PTPRD: variants seen among roughly 807,000 people sequenced by gnomAD.
PTPRD encodes the protein protein tyrosine phosphatase receptor type D, also known as receptor-type tyrosine-protein phosphatase delta.
Under a neutral mutation model 214.5 loss-of-function variants are expected in PTPRD, and 34 were observed. That is an observed-to-expected ratio of 0.16 (90% CI 0.12 to 0.21). The LOEUF is 0.21. Ranked by LOEUF, PTPRD falls within the 10% of genes least tolerant of loss-of-function variation. The pLI is 1.00. For synonymous variants in PTPRD, 1,128 were observed against 845.7 expected, an observed-to-expected ratio of 1.33 and a Z score of -5.79; for missense variants, 2,545 against 2,398.7, an observed-to-expected ratio of 1.06 and a Z score of -1.27.
At chr9:8,328,877 C>T (rs1836748630) in intron 44 of PTPRD, among the ~76,000 whole-genome samples, 1 of 152,068 alleles carries the variant, frequency 6.6e-6, no homozygotes, top group Non-Finnish European at 1.5e-5. Flanking sequence ...TCAGCTCCAT[C>T]AGGTCATTTA....
intron 14 of PTPRD, among the ~76,000 whole-genome samples, chr9:8,535,856 A>C (rs907560116): frequency 3.3e-5 from 5 of 151,928 alleles, no homozygotes; most frequent in African/African-American, 9.7e-5. Flanking sequence ...AGCTCTGGAG[A>C]GGGGAAATCT....
intron 7 of PTPRD, among the ~76,000 whole-genome samples, chr9:9,706,690 T>C (rs1048797550): frequency 8.5e-5 from 13 of 152,092 alleles, no homozygotes; most frequent in African/African-American, 2.4e-5. Flanking sequence ...TCCGTCTGCC[T>C]CAGCCTCCCA....
chr9:8,444,099 C>T (rs919445706), intron 34 of PTPRD, among the ~76,000 whole-genome samples: 1 of 152,052 alleles, frequency 6.6e-6, no homozygotes, highest in Non-Finnish European at 1.5e-5. Context: ...TATCATATTT[C>T]CAGGTGTCTG....
chr9:9,697,686 T>C (rs2097406519), intron 7 of PTPRD, among the ~76,000 whole-genome samples: 1 of 152,164 alleles, frequency 6.6e-6, no homozygotes, highest in Non-Finnish European at 1.5e-5. Context: ...GAAATCTGTT[T>C]GGTAATCTCT....
chr9:10,481,469 A>T (rs1213689150), intron 2 of PTPRD, among the ~76,000 whole-genome samples: 1 of 152,200 alleles, frequency 6.6e-6, no homozygotes, highest in Non-Finnish European at 1.5e-5. Flanking sequence ...CCCAAAAGAC[A>T]TAACTGAGTA....
intron 5 of PTPRD, among the ~76,000 whole-genome samples, chr9:9,776,329 T>C (rs1240345575): frequency 6.6e-6 from 1 of 152,210 alleles, no homozygotes; most frequent in East Asian, 1.9e-4. Context: ...CTAGTCTTAG[T>C]TGTATGTTCC....
chr9:9,424,730 A>G (rs2080157017), intron 8 of PTPRD, among the ~76,000 whole-genome samples: 1 of 152,200 alleles, frequency 6.6e-6, no homozygotes, highest in Non-Finnish European at 1.5e-5. Context: ...ATCTACTGAC[A>G]ACTGTTAGAA....
At chr9:8,415,842 C>A (rs2093894350) in intron 35 of PTPRD, among the ~76,000 whole-genome samples, 1 of 152,042 alleles carries the variant, frequency 6.6e-6, no homozygotes, top group African/African-American at 2.4e-5. Flanking sequence ...CAAGACCACA[C>A]AACTAATGCA....
At chr9:8,922,723 C>T (rs71507666) in intron 11 of PTPRD, among the ~76,000 whole-genome samples, 13,397 of 152,016 alleles carry the variant, frequency 0.088, 776 homozygotes, top group Non-Finnish European at 0.14. Context: ...CTCAGCTCAC[C>T]GCAACATCCG....
At chr9:10,436,508 T>C (rs1319138137) in intron 2 of PTPRD, among the ~76,000 whole-genome samples, 3 of 151,734 alleles carry the variant, frequency 2.0e-5, no homozygotes, top group African/African-American at 7.3e-5. Context: ...AATGAATTAG[T>C]CTCCAACACA....
intron 2 of PTPRD, among the ~76,000 whole-genome samples, chr9:10,397,131 GA>G (rs990925089): frequency 1.1e-4 from 16 of 151,974 alleles, no homozygotes; most frequent in African/African-American, 3.9e-4. Context: ...TATCTCTCTC[GA>G]AAAGGCAACA....
intron 5 of PTPRD, among the ~76,000 whole-genome samples, chr9:9,834,894 T>A (rs1288930866): frequency 6.6e-6 from 1 of 152,006 alleles, no homozygotes; most frequent in East Asian, 1.9e-4. Flanking sequence ...AACTGTGTCC[T>A]CTGGTCAAAG....
intron 7 of PTPRD, among the ~76,000 whole-genome samples, chr9:9,694,108 T>C (rs1010688231): frequency 2.0e-5 from 3 of 152,202 alleles, no homozygotes; most frequent in Admixed American, 6.6e-5. Flanking sequence ...TGGTGCCTTA[T>C]TCAGTTCATC....
intron 4 of PTPRD, among the ~76,000 whole-genome samples, chr9:9,939,545 A>G (rs1566542844): frequency 6.6e-6 from 1 of 152,186 alleles, no homozygotes; most frequent in South Asian, 2.1e-4. Flanking sequence ...AGGATTGACC[A>G]GGTCAATAAA....
chr9:10,595,315 A>G (rs1003235311), intron 2 of PTPRD, among the ~76,000 whole-genome samples: 2 of 151,912 alleles, frequency 1.3e-5, no homozygotes, highest in Admixed American at 1.3e-4. Flanking sequence ...TGAACTATAA[A>G]AGATAATGAG....
At chr9:10,454,108 G>GA (rs150951740) in intron 2 of PTPRD, among the ~76,000 whole-genome samples, 15,589 of 151,334 alleles carry the variant, frequency 0.1, 968 homozygotes, top group Middle Eastern at 0.2. Flanking sequence ...CTGTTTCTAT[G>GA]AAAAAAATAG....
At chr9:9,986,056 T>C (rs899196749) in intron 4 of PTPRD, among the ~76,000 whole-genome samples, 6 of 152,192 alleles carry the variant, frequency 3.9e-5, no homozygotes, top group Admixed American at 3.9e-4. Flanking sequence ...ATCTCTCTTC[T>C]ACACTTTTCA....
At chr9:9,103,572 T>G (rs2099794311) in intron 10 of PTPRD, among the ~76,000 whole-genome samples, 1 of 152,106 alleles carries the variant, frequency 6.6e-6, no homozygotes, top group African/African-American at 2.4e-5. Context: ...GAAAAAAATT[T>G]AGCATATCCT....
chr9:9,571,413 T>C (rs1353919607), intron 8 of PTPRD, among the ~76,000 whole-genome samples: 1 of 151,428 alleles, frequency 6.6e-6, no homozygotes, highest in African/African-American at 2.4e-5. Context: ...AGGCTGTATT[T>C]ATATTATGGC....
Sources: gnomAD v4.1 joint callset for allele counts (sites outside exome capture counted in the v4.1 genomes callset) on GRCh38, gnomAD v4.1.1 for gene constraint, MANE v1.5 for transcripts, NCBI Gene and HGNC (gene_info 2026-07-23, HGNC 2026-07-21) for gene names.